The following CFAP47 variants were observed in gnomAD, a reference collection of about 807,000 sequenced individuals.
CFAP47 encodes cilia and flagella associated protein 47, also known as cilia- and flagella-associated protein 47.
In CFAP47, 29 loss-of-function variants were observed where a neutral mutation model predicts 148.1. The ratio of observed to expected loss-of-function variants is 0.20; its 90% CI spans 0.15 to 0.27. CFAP47 has a LOEUF of 0.27. Among genes scored for constraint, CFAP47 ranks in the 10% least tolerant of loss-of-function variants. CFAP47 has a pLI of 1.00. For synonymous variants in CFAP47, 664 were observed against 577.3 expected (o/e 1.15, Z -2.15); for missense variants, 1,872 against 1,697.5 (o/e 1.10, Z -1.81).
chrX:36,274,304 T>C (rs1940990579), intron 49 of CFAP47, among the ~76,000 whole-genome samples: 1 of 111,581 alleles, frequency 9.0e-6, no homozygotes, highest in African/African-American at 3.3e-5. Context: ...GGTCCTGGAG[T>C]TATAATGTTT....
intron 21 of CFAP47, among the ~76,000 whole-genome samples, chrX:36,011,745 G>T (rs374632916): frequency 1.8e-5 from 2 of 111,342 alleles, no homozygotes; most frequent in East Asian, 5.7e-4. Context: ...GTAGATTGTG[G>T]GTATTAGAAC....
chrX:36,372,186 T>C (rs1248073032), intron 62 of CFAP47, among the ~76,000 whole-genome samples: 2 of 105,758 alleles, frequency 1.9e-5, no homozygotes, highest in South Asian at 9.1e-4. Flanking sequence ...ACAATAACAA[T>C]AAAGCTACTT....
chrX:36,371,771 C>CACACATGTGTATATATAT (rs1941955122), intron 62 of CFAP47, among the ~76,000 whole-genome samples: 1 of 44,961 alleles, frequency 2.2e-5, no homozygotes, highest in Non-Finnish European at 3.2e-5. Context: ...TGTGTATATA[C>CACACATGTGTATATATAT]ACACATGTGT....
At chrX:36,235,633 T>TGTCCTGC (rs1940451463) in intron 46 of CFAP47, among the ~76,000 whole-genome samples, 1 of 111,374 alleles carries the variant, frequency 9.0e-6, no homozygotes, top group African/African-American at 3.3e-5. Flanking sequence ...CACTGTCCTG[T>TGTCCTGC]GCCCACTGTC....
At chrX:36,198,016 A>G (rs1419851289) in intron 42 of CFAP47, among the ~76,000 whole-genome samples, 4 of 111,535 alleles carry the variant, frequency 3.6e-5, no homozygotes, top group Admixed American at 2.9e-4. Context: ...ATATTTTAGA[A>G]TATGTATTTT....
At position 36,046,890 on chromosome X, in the gene CFAP47, G is replaced by A; in HGVS notation, c.4044G>A (p.Arg1348=). ...TATGTGTCCAGATTCCCACAGTAAGGCTTCTTGATGGTGAAGAGATTCACC... is the reference window on the plus strand; with the variant it reads ...TATGTGTCCAGATTCCCACAGTAAGACTTCTTGATGGTGAAGAGATTCACC... The part of the protein sequence containing the change: ...STLCVQIPTV[R]LLDGEEIHPL... Residue 1348 remains arginine (R), a synonymous_variant, in exon 26 of 64, where the codon AGG becomes AGA. Transcript: ENST00000378653. The A allele has an allele frequency of 8.6e-7, 1 of 1,163,504 alleles. No homozygotes were observed. The highest frequency in any genetic ancestry group is 3.3e-5 in the East Asian group (1 of 30,707).
intron 22 of CFAP47, among the ~76,000 whole-genome samples, chrX:36,019,368 ACTT>A (rs1273079485): frequency 9.0e-6 from 1 of 111,595 alleles, no homozygotes; most frequent in African/African-American, 3.3e-5. Flanking sequence ...CAGGTAATAA[ACTT>A]CTGCCGACCT....
chrX:36,267,574 G>A (rs781926365), intron 49 of CFAP47, among the ~76,000 whole-genome samples: 2 of 107,565 alleles, frequency 1.9e-5, no homozygotes, highest in African/African-American at 6.8e-5. Context: ...CGCCTCCTGG[G>A]TTCACGCCAT....
chrX:36,166,534 T>C (rs758811422), intron 39 of CFAP47, among the ~76,000 whole-genome samples: 9 of 111,554 alleles, frequency 8.1e-5, no homozygotes, highest in African/African-American at 9.8e-5. Context: ...TAATTATAGT[T>C]TCCTTTATTT....
intron 63 of CFAP47, among the ~76,000 whole-genome samples, chrX:36,380,411 C>T (rs1193461584): frequency 8.9e-6 from 1 of 112,829 alleles, no homozygotes; most frequent in East Asian, 2.8e-4. Context: ...CATTTGTTGA[C>T]ATTTTGCACC....
intron 46 of CFAP47, among the ~76,000 whole-genome samples, chrX:36,235,031 G>A (rs1010898998): frequency 1.8e-4 from 20 of 111,282 alleles, no homozygotes; most frequent in South Asian, 3.9e-4. Flanking sequence ...CCCTACTGGC[G>A]GGTGCCTCTA....
chrX:36,194,907 C>T (rs1555987016), intron 42 of CFAP47, among the ~76,000 whole-genome samples: 2 of 112,341 alleles, frequency 1.8e-5, no homozygotes, highest in African/African-American at 3.2e-5. Flanking sequence ...GGCAAACTTG[C>T]ATAGGGCTGG....
intron 26 of CFAP47, among the ~76,000 whole-genome samples, chrX:36,052,527 A>G: frequency 9.3e-6 from 1 of 107,409 alleles, no homozygotes; most frequent in East Asian, 2.8e-4. Flanking sequence ...TAAAACTCAT[A>G]GACTTTGTTG....
intron 30 of CFAP47, among the ~76,000 whole-genome samples, chrX:36,086,710 G>C (rs1279795951): frequency 9.0e-6 from 1 of 111,488 alleles, no homozygotes; most frequent in African/African-American, 3.3e-5. Context: ...AATAAGGCAA[G>C]ACTGGCTTGG....
At chrX:36,177,607 G>C (rs1292687735) in intron 39 of CFAP47, among the ~76,000 whole-genome samples, 1 of 111,956 alleles carries the variant, frequency 8.9e-6, no homozygotes, top group African/African-American at 3.2e-5. Flanking sequence ...AAAGTTCACA[G>C]TTTACATTTT....
In CFAP47 at chrX:36,271,417, T is replaced by A. The variant is rs1193852132; in HGVS notation, c.7445-9070T>A. Reference sequence around the variant, plus strand: ...GCAAGGTGGGTGTGAGGGGACCAATTGCAAAGACAGAAAATGCTTTGCCAG... The same window carrying A: ...GCAAGGTGGGTGTGAGGGGACCAATAGCAAAGACAGAAAATGCTTTGCCAG... On this transcript the variant is annotated intron_variant, in intron 49 of 63. Coordinates refer to ENST00000378653, the MANE Select transcript of CFAP47 (RefSeq NM_001304548.2). Among the ~76,000 whole-genome samples, 3 of 110,960 alleles carry A rather than the reference T, an allele frequency of 2.7e-5. No homozygotes were observed. In the Admixed American group the frequency reaches 2.9e-4, roughly 11 times the overall value.
At chrX:36,172,860 T>C (rs1411366485) in intron 39 of CFAP47, among the ~76,000 whole-genome samples, 4 of 111,800 alleles carry the variant, frequency 3.6e-5, no homozygotes, top group Non-Finnish European at 5.6e-5. Context: ...ATTGGAATAG[T>C]TTCAGAAGGA....
chrX:35,972,529 C>T (rs563514783), intron 13 of CFAP47, among the ~76,000 whole-genome samples: 8 of 111,490 alleles, frequency 7.2e-5, no homozygotes, highest in Middle Eastern at 4.7e-3. Flanking sequence ...CACCGCACCC[C>T]GCCCAGTTAC....
intron 2 of CFAP47, among the ~76,000 whole-genome samples, chrX:35,935,757 C>G (rs747400678): frequency 1.8e-5 from 2 of 110,250 alleles, no homozygotes; most frequent in African/African-American, 6.6e-5. Context: ...CATTATCAAA[C>G]GTAGTTTTAA....
Sources: allele counts gnomAD v4.1 joint callset (sites outside exome capture counted in the v4.1 genomes callset), GRCh38; gene constraint gnomAD v4.1.1; transcripts MANE v1.5; gene names NCBI Gene and HGNC (gene_info 2026-07-23, HGNC 2026-07-21).